RAB3C: variants seen among roughly 807,000 people sequenced by gnomAD.
RAB3C encodes the protein RAB3C, member RAS oncogene family.
RAB3C carries 17 observed loss-of-function variants against 26.4 expected under a neutral mutation model. That is an observed-to-expected ratio of 0.64 (90% CI 0.44 to 0.97). RAB3C has a LOEUF of 0.97. RAB3C is among the 50% of genes least tolerant of loss of function. The pLI, the probability that RAB3C is intolerant of heterozygous loss-of-function variation, is 0.00. For synonymous variants in RAB3C, 91 were observed against 95.9 expected, an observed-to-expected ratio of 0.95 and a Z score of 0.30; for missense variants, 242 against 281.9, an observed-to-expected ratio of 0.86 and a Z score of 1.01.
chr5:58,775,890 C>A (rs1383605909), intron 3 of RAB3C, among the ~76,000 whole-genome samples: 1 of 152,088 alleles, frequency 6.6e-6, no homozygotes, highest in East Asian at 1.9e-4. Flanking sequence ...CAATTCTCAG[C>A]CTTACACTCC....
At chr5:58,847,613 C>T (rs1239617233) in intron 4 of RAB3C, among the ~76,000 whole-genome samples, 1 of 152,138 alleles carries the variant, frequency 6.6e-6, no homozygotes, top group Admixed American at 6.5e-5. Flanking sequence ...CCCATGGGCA[C>T]ACACAGTTGA....
intron 3 of RAB3C, among the ~76,000 whole-genome samples, chr5:58,736,228 G>C (rs1367593680): frequency 6.6e-6 from 1 of 152,114 alleles, no homozygotes; most frequent in African/African-American, 2.4e-5. Flanking sequence ...CCATCTTGCT[G>C]CCTTCCTATC....
intron 2 of RAB3C, among the ~76,000 whole-genome samples, chr5:58,666,894 G>T (rs564989871): frequency 6.6e-6 from 1 of 152,322 alleles, no homozygotes; most frequent in African/African-American, 2.4e-5. Context: ...GATGACGTGC[G>T]TGGGACGTCA....
At chr5:58,625,592 C>T (rs1747033936) in intron 2 of RAB3C, among the ~76,000 whole-genome samples, 1 of 152,152 alleles carries the variant, frequency 6.6e-6, no homozygotes, top group South Asian at 2.1e-4. Context: ...GGCACTGTGG[C>T]TTATGCCTGT....
intron 2 of RAB3C, among the ~76,000 whole-genome samples, chr5:58,701,872 C>G (rs1343375657): frequency 1.3e-5 from 2 of 152,146 alleles, no homozygotes; most frequent in East Asian, 3.8e-4. Context: ...ATAGGATAAT[C>G]CCCTCATTGT....
chr5:58,737,419 ATATATATATATATATATATATATATATAT>A lies in RAB3C; in HGVS notation c.371+11300_371+11328del, dbSNP rs1561305146. 2.9e-4 allele frequency among the ~76,000 whole-genome samples: 27 copies of A among 92,872 alleles called. 1 individual carries two copies. The East Asian group carries it at 6.7e-3, about 23-fold the overall frequency. 60.9% of individuals were successfully genotyped at this position (92,872 alleles called of 152,430 possible). A position where few individuals can be genotyped will look rare whatever the true frequency, so the allele number is the denominator to read the frequency against. ...AATATATATATATATATATATATAT[ATATATATATATATATATATATATATATAT>A]AATTTACTTGTTTACTGTGTTTATT... On this transcript the variant is annotated intron_variant, in intron 3 of 4. Transcript: ENST00000282878.
intron 2 of RAB3C, among the ~76,000 whole-genome samples, chr5:58,684,664 G>C (rs923563725): frequency 3.9e-5 from 6 of 152,166 alleles, no homozygotes; most frequent in African/African-American, 7.2e-5. Flanking sequence ...TATAGGAGGG[G>C]AGTATTAATT....
chr5:58,660,983 C>G (rs555641401), intron 2 of RAB3C, among the ~76,000 whole-genome samples: 75 of 146,348 alleles, frequency 5.1e-4, no homozygotes, highest in Non-Finnish European at 8.9e-4. Context: ...CTAACAGCCT[C>G]TCTCACACAG....
At chr5:58,774,081 C>T (rs562506248) in intron 3 of RAB3C, among the ~76,000 whole-genome samples, 31 of 152,272 alleles carry the variant, frequency 2.0e-4, no homozygotes, top group South Asian at 1.2e-3. Context: ...TCTGACATCA[C>T]TGAGAAAATA....
At chr5:58,758,448 T>C (rs1005589863) in intron 3 of RAB3C, among the ~76,000 whole-genome samples, 1 of 152,202 alleles carries the variant, frequency 6.6e-6, no homozygotes, top group Non-Finnish European at 1.5e-5. Context: ...ATAGACATAT[T>C]GTTTATGTGT....
At position 58,798,241 on chromosome 5, in the gene RAB3C, A is replaced by G. The variant is rs545547219; in HGVS notation, c.372-26797A>G. The stretch of plus-strand genomic sequence containing the variant: ...AAACATCCTGGTTAAAAGTTGCTAG[A>G]GGATAGACTATAAGAGGTACAGTCT... On this transcript the variant is annotated intron_variant, in intron 3 of 4. Transcript: ENST00000282878. Among the ~76,000 whole-genome samples the G allele has an allele frequency of 6.6e-5, 10 of 152,308 alleles. No individual in the cohort carries two copies. The South Asian group carries it at 1.5e-3, about 22-fold the overall frequency.
intron 1 of RAB3C, among the ~76,000 whole-genome samples, chr5:58,609,412 C>T (rs1252658038): frequency 6.6e-6 from 1 of 152,152 alleles, no homozygotes; most frequent in Non-Finnish European, 1.5e-5. Flanking sequence ...CCAGAAGGTT[C>T]TGTTCCTTTA....
intron 3 of RAB3C, among the ~76,000 whole-genome samples, chr5:58,764,017 T>G (rs948628318): frequency 7.2e-5 from 11 of 152,218 alleles, no homozygotes; most frequent in African/African-American, 2.7e-4. Flanking sequence ...TAAGGTTTAC[T>G]TTTAATTATT....
In RAB3C at chr5:58,793,866, C is replaced by A. The variant is rs183874141; in HGVS notation, c.372-31172C>A. ...GTAATATTCCACTTCAATTAAATATCTATGGTCCTGATTATACATTTCTAT... is the reference window on the plus strand; with the variant it reads ...GTAATATTCCACTTCAATTAAATATATATGGTCCTGATTATACATTTCTAT... On this transcript the variant is annotated intron_variant, in intron 3 of 4. Transcript: ENST00000282878. 3.9e-5 allele frequency among the ~76,000 whole-genome samples: 6 copies of A among 152,252 alleles called. No individual in the cohort carries two copies. The East Asian group carries it at 7.7e-4, about 20-fold the overall frequency.
chr5:58,730,690 C>G (rs1170701904), intron 3 of RAB3C, among the ~76,000 whole-genome samples: 2 of 152,194 alleles, frequency 1.3e-5, no homozygotes, highest in South Asian at 2.1e-4. Context: ...ACTGTGATTT[C>G]TCCAAAATCC....
intron 2 of RAB3C, among the ~76,000 whole-genome samples, chr5:58,707,926 C>T (rs916876367): frequency 3.3e-5 from 5 of 151,986 alleles, no homozygotes; most frequent in Non-Finnish European, 7.4e-5. Flanking sequence ...CCCGCCTGGG[C>T]ATGTTCTACA....
intron 2 of RAB3C, among the ~76,000 whole-genome samples, chr5:58,658,910 A>G (rs1747839227): frequency 6.6e-6 from 1 of 152,200 alleles, no homozygotes; most frequent in South Asian, 2.1e-4. Context: ...TAGACTCAGA[A>G]CTGGAACATT....
rs200838858 is a variant in RAB3C at position 58,627,516 on chromosome 5, A to C, written c.252+9646A>C. On this transcript the variant is annotated intron_variant, in intron 2 of 4. Transcript: ENST00000282878. ...AAAAAAAAAAAAAAAAAAAAAAAAAAAAACACAGCTTAAATTCGGTGCAAA... is the reference window on the plus strand; with the variant it reads ...AAAAAAAAAAAAAAAAAAAAAAAAACAAACACAGCTTAAATTCGGTGCAAA... Among the ~76,000 whole-genome samples, 3 of 75,658 alleles carry C rather than the reference A, an allele frequency of 4.0e-5. 1 individual carries two copies. Among genetic ancestry groups the C allele is most frequent in the South Asian group, 4.5e-4 (1 of 2,198 alleles). 49.6% of individuals were successfully genotyped at this position (75,658 alleles called of 152,430 possible).
chr5:58,765,400 C>G (rs1741879542), intron 3 of RAB3C, among the ~76,000 whole-genome samples: 1 of 152,118 alleles, frequency 6.6e-6, no homozygotes, highest in Admixed American at 6.5e-5. Flanking sequence ...TCTTTCTTTT[C>G]TCTATTTAAT....
Sources: gnomAD v4.1 joint callset for allele counts (sites outside exome capture counted in the v4.1 genomes callset) on GRCh38, gnomAD v4.1.1 for gene constraint, MANE v1.5 for transcripts, NCBI Gene and HGNC (gene_info 2026-07-23, HGNC 2026-07-21) for gene names.